SLC20A2: variants seen among roughly 807,000 people sequenced by gnomAD.
The protein encoded by SLC20A2 is solute carrier family 20 member 2.
A neutral mutation model predicts 61.0 loss-of-function variants in SLC20A2; 30 were observed. The observed-to-expected ratio is 0.49, with a 90% CI of 0.37 to 0.67. SLC20A2 has a LOEUF of 0.67. SLC20A2 is among the 30% of genes least tolerant of loss of function. SLC20A2 has a pLI of 0.00. For synonymous variants in SLC20A2, 351 were observed against 353.3 expected, an observed-to-expected ratio of 0.99 and a Z score of 0.07; for missense variants, 626 against 866.4, an observed-to-expected ratio of 0.72 and a Z score of 3.48.
chr8:42,455,290 A>AGAGAGAGAGAGAGAGC (rs1563478498), intron 5 of SLC20A2, among the ~76,000 whole-genome samples: 45 of 139,542 alleles, frequency 3.2e-4, no homozygotes, highest in African/African-American at 1.1e-3. Flanking sequence ...AGAGAGAGAG[A>AGAGAGAGAGAGAGAGC]GAGCGTGCGC....
At chr8:42,434,364 G>A (rs1452574990) in intron 8 of SLC20A2, among the ~76,000 whole-genome samples, 1 of 151,100 alleles carries the variant, frequency 6.6e-6, no homozygotes, top group Non-Finnish European at 1.5e-5. Context: ...TGAGATTATA[G>A]GCGTGAGCCA....
In SLC20A2 at chr8:42,417,835, G is replaced by A; in HGVS notation, c.1927C>T (p.Leu643Phe). Reference protein sequence around the residue: ...AGLFSAAVMALLMYGILPYV With the variant: ...AGLFSAAVMAFLMYGILPYV ...TATGGAAGGATCCCATACATGAGAA[G>A]AGCCATGACAGCAGCGCTGAACAGC... Residue 643 changes from leucine to phenylalanine, a missense_variant, in exon 11 of 11, where the codon CTT (leucine) becomes TTT (phenylalanine). Coordinates refer to ENST00000520262, the MANE Select transcript of SLC20A2 (RefSeq NM_001257180.2). 6.2e-7 allele frequency: 1 copy of A among 1,614,048 alleles called. No homozygotes were observed. The highest frequency in any genetic ancestry group is 8.5e-7 in the Non-Finnish European group (1 of 1,180,010).
chr8:42,534,700 G>T (rs1424514426), intron 1 of SLC20A2: 1 of 152,194 alleles, frequency 6.6e-6, no homozygotes, highest in African/African-American at 2.4e-5. Flanking sequence ...ACAGAGGCTG[G>T]GAGTAGATAA....
intron 1 of SLC20A2, among the ~76,000 whole-genome samples, chr8:42,509,741 G>A (rs35477224): frequency 0.068 from 10,379 of 152,012 alleles, 441 homozygotes; most frequent in Middle Eastern, 0.16. Flanking sequence ...GCAACAGAGC[G>A]AGAACTTGTC....
chr8:42,532,069 C>T (rs1812366977), intron 1 of SLC20A2, among the ~76,000 whole-genome samples: 2 of 151,748 alleles, frequency 1.3e-5, no homozygotes, highest in South Asian at 2.1e-4. Flanking sequence ...CCTTGTGATC[C>T]ACCCAACTCA....
intron 6 of SLC20A2, among the ~76,000 whole-genome samples, chr8:42,441,125 T>C (rs1035134380): frequency 6.6e-6 from 1 of 151,114 alleles, no homozygotes; most frequent in Non-Finnish European, 1.5e-5. Context: ...GTGAAGTGTC[T>C]ATTCAAATAT....
chr8:42,534,186 C>T (rs140338848), intron 1 of SLC20A2, among the ~76,000 whole-genome samples: 15 of 152,000 alleles, frequency 9.9e-5, no homozygotes, highest in African/African-American at 3.1e-4. Flanking sequence ...GCCCAAGGCA[C>T]GAGAATTACT....
rs1282888201 is a variant in SLC20A2, at chr8:42,416,525, A to C, written c.*1278T>G. 1 of 152,656 alleles carries C rather than the reference A, an allele frequency of 6.6e-6. No individual in the cohort carries two copies. The highest frequency in any genetic ancestry group is 1.5e-5 in the Non-Finnish European group (1 of 68,054). 9.5% of individuals were successfully genotyped at this position (152,656 alleles called of 1,614,324 possible). A position where few individuals can be genotyped will look rare whatever the true frequency, so the allele number is the denominator to read the frequency against. On this transcript the variant is annotated 3_prime_UTR_variant, in exon 11 of 11. Transcript: ENST00000520262. The stretch of plus-strand genomic sequence containing the variant: ...ATTTAATATGGTTGATTAATGAAAA[A>C]TGACAATGAAGTACCAAGAAAATGT...
intron 2 of SLC20A2, among the ~76,000 whole-genome samples, chr8:42,468,449 G>T (rs1041325992): frequency 3.3e-5 from 5 of 152,150 alleles, no homozygotes; most frequent in Admixed American, 6.5e-5. Context: ...CTGAGGGAGG[G>T]CCTGGTGGGG....
intron 1 of SLC20A2, among the ~76,000 whole-genome samples, chr8:42,513,992 T>C (rs781747129): frequency 5.3e-5 from 8 of 151,956 alleles, no homozygotes; most frequent in Non-Finnish European, 5.9e-5. Context: ...GGAGAAGAGG[T>C]AGAAGATTAG....
At chr8:42,501,353 C>T (rs928048917), upstream of SLC20A2, 1 of 152,238 alleles carries the variant, frequency 6.6e-6, no homozygotes, top group Non-Finnish European at 1.5e-5. Context: ...ATGCTAATTA[C>T]TGAATTCAGT....
At chr8:42,470,057 T>C (rs888074294) in intron 2 of SLC20A2, among the ~76,000 whole-genome samples, 4 of 152,058 alleles carry the variant, frequency 2.6e-5, no homozygotes, top group African/African-American at 7.3e-5. Context: ...ATCTTAGATA[T>C]CTATCACAAC....
chr8:42,463,890 T>C lies in SLC20A2; in HGVS notation c.431-800A>G, dbSNP rs369952434. Among the ~76,000 whole-genome samples the C allele has an allele frequency of 2.6e-5, 4 of 151,418 alleles. No homozygotes were observed. In the East Asian group the frequency reaches 5.8e-4, roughly 22 times the overall value. ...AGTAACCCAGAATATGGAAATGGAG[T>C]GAAAGAGTATCGTTCACGATGGGTG... On this transcript the variant is annotated intron_variant, in intron 3 of 10. Coordinates refer to ENST00000520262, the MANE Select transcript of SLC20A2 (RefSeq NM_001257180.2).
rs1586278643 is a variant in SLC20A2, at chr8:42,528,982, TA to T, written c.-265+12838del. On this transcript the variant is annotated intron_variant, in intron 1 of 10. Coordinates refer to the SLC20A2 transcript ENST00000342228. Reference sequence around the variant, plus strand: ...GAGCCCGGCCTATTATTATTATTATTATTATTTTTTGAGACAGGGTCTTACC... The same window carrying T: ...GAGCCCGGCCTATTATTATTATTATTTTATTTTTTGAGACAGGGTCTTACC... Among the ~76,000 whole-genome samples, 7 of 151,336 alleles carry T rather than the reference TA, an allele frequency of 4.6e-5. No individual in the cohort carries two copies. In the East Asian group the frequency reaches 7.7e-4, roughly 17 times the overall value.
At chr8:42,446,020 G>A (rs530049376) in intron 5 of SLC20A2, among the ~76,000 whole-genome samples, 2 of 152,130 alleles carry the variant, frequency 1.3e-5, no homozygotes, top group East Asian at 3.8e-4. Context: ...AAGGTCTTGC[G>A]ATGTTGCCCA....
In SLC20A2 at chr8:42,436,913, T is replaced by C. The variant is rs966614812; in HGVS notation, c.1523+76A>G. The C allele has an allele frequency of 9.7e-6, 13 of 1,345,952 alleles. No individual in the cohort carries two copies. In the South Asian group the frequency reaches 1.9e-4, roughly 19 times the overall value. 83.4% of individuals were successfully genotyped at this position (1,345,952 alleles called of 1,614,324 possible). ...TCCATCGGTGCCGTTCACTGCTGGA[T>C]CCCGGCACCCGCACAGCGCTGGCCC... On this transcript the variant is annotated intron_variant, in intron 8 of 10. Coordinates refer to ENST00000520262, the MANE Select transcript of SLC20A2 (RefSeq NM_001257180.2).
intron 1 of SLC20A2, among the ~76,000 whole-genome samples, chr8:42,491,208 T>G (rs1178687456): frequency 6.6e-6 from 1 of 152,150 alleles, no homozygotes; most frequent in Non-Finnish European, 1.5e-5. Flanking sequence ...GAGACCAGCC[T>G]GGCCAACATG....
chr8:42,492,200 C>CA (rs1809570384), intron 1 of SLC20A2, among the ~76,000 whole-genome samples: 1 of 152,042 alleles, frequency 6.6e-6, no homozygotes, highest in South Asian at 2.1e-4. Context: ...TCTAAAGATA[C>CA]AAAAAATTAG....
intron 1 of SLC20A2, among the ~76,000 whole-genome samples, chr8:42,491,035 CA>C (rs1809474110): frequency 6.6e-6 from 1 of 152,072 alleles, no homozygotes; most frequent in Admixed American, 6.5e-5. Context: ...AAAAAAAAGA[CA>C]AAAAAGAGGA....
Sources: allele counts gnomAD v4.1 joint callset (sites outside exome capture counted in the v4.1 genomes callset), GRCh38; gene constraint gnomAD v4.1.1; transcripts MANE v1.5; gene names NCBI Gene and HGNC (gene_info 2026-07-23, HGNC 2026-07-21).